The following PCDH15 variants were observed in gnomAD, a reference collection of about 807,000 sequenced individuals.
PCDH15 encodes the protein protocadherin-15.
A neutral mutation model predicts 178.5 loss-of-function variants in PCDH15; 129 were observed. That is an observed-to-expected ratio of 0.72 (90% confidence interval 0.63 to 0.84). The LOEUF (loss-of-function observed/expected upper bound fraction) is 0.84, where lower values mean the gene tolerates loss of function less well. PCDH15 is among the 40% of genes least tolerant of loss of function. The pLI, the probability that PCDH15 is intolerant of heterozygous loss-of-function variation, is 0.00. For synonymous variants in PCDH15, 800 were observed against 732.0 expected, an observed-to-expected ratio of 1.09 and a Z score of -1.50; for missense variants, 2,230 against 2,099.9, an observed-to-expected ratio of 1.06 and a Z score of -1.21.
rs374861815 is a variant in PCDH15 at position 54,909,913 on chromosome 10, A to AG, written c.-79-12414dup. 9.3e-3 allele frequency among the ~76,000 whole-genome samples: 1,411 copies of AG among 152,140 alleles called. 17 individuals carry two copies. The highest frequency in any genetic ancestry group is 0.032 in the African/African-American group (1,318 of 41,506). On this transcript the variant is annotated intron_variant, in intron 2 of 5. Coordinates refer to the PCDH15 transcript ENST00000458638. ...GATGGCTCCCAGGGAGGTGGTCTCC[A>AG]GGGGGGTCTCAGGGGAAGGCTCTGG... is the stretch of plus-strand genomic sequence containing the variant.
intron 2 of PCDH15, among the ~76,000 whole-genome samples, chr10:55,430,152 A>G (rs1298568315): frequency 6.6e-6 from 1 of 152,104 alleles, no homozygotes; most frequent in African/African-American, 2.4e-5. Flanking sequence ...TTAGCCAGGC[A>G]TGGTGGCACG....
chr10:55,192,400 A>G (rs1298938312), intron 1 of PCDH15, among the ~76,000 whole-genome samples: 1 of 151,910 alleles, frequency 6.6e-6, no homozygotes, highest in Admixed American at 6.6e-5. Flanking sequence ...CTCCCATATA[A>G]AAAAGTTATT....
chr10:55,509,998 T>C (rs185516242), intron 2 of PCDH15, among the ~76,000 whole-genome samples: 41 of 152,040 alleles, frequency 2.7e-4, no homozygotes, highest in Non-Finnish European at 4.4e-5. Flanking sequence ...AACTCGAGTC[T>C]CCTGACTCCA....
chr10:55,111,557 C>A (rs1837502084), intron 2 of PCDH15, among the ~76,000 whole-genome samples: 2 of 151,922 alleles, frequency 1.3e-5, no homozygotes, highest in Admixed American at 6.6e-5. Flanking sequence ...TAAAAAAGTT[C>A]TTTTTGACGG....
chr10:53,814,397 T>C (rs550188279), intron 35 of PCDH15, among the ~76,000 whole-genome samples: 2 of 152,286 alleles, frequency 1.3e-5, no homozygotes, highest in South Asian at 2.1e-4. Flanking sequence ...ACATAAATAC[T>C]TTTTCTTCAT....
chr10:54,217,009 TAAG>T (rs1159648800), intron 9 of PCDH15, among the ~76,000 whole-genome samples: 8 of 152,108 alleles, frequency 5.3e-5, no homozygotes, highest in Admixed American at 1.3e-4. Context: ...TGCTAACCTT[TAAG>T]AAGAATACAC....
At chr10:53,997,159 C>A (rs935790022) in intron 20 of PCDH15, among the ~76,000 whole-genome samples, 4 of 152,028 alleles carry the variant, frequency 2.6e-5, no homozygotes, top group Admixed American at 1.3e-4. Flanking sequence ...TAAAAAATAT[C>A]ATTTCTTCTG....
At chr10:55,090,829 T>A (rs2132035340) in intron 2 of PCDH15, among the ~76,000 whole-genome samples, 1 of 152,184 alleles carries the variant, frequency 6.6e-6, no homozygotes, top group South Asian at 2.1e-4. Context: ...TATATCCTTT[T>A]CTTAGAAATT....
At position 55,343,110 on chromosome 10, in the gene PCDH15, T is replaced by C. The variant is rs374689011; in HGVS notation, c.-155-176459A>G. ...AGTATCTTCCTGGACTTATGCACAATTTTAGCAGGCCAAGTTGGGTGGGAG... is the reference window on the plus strand; with the variant it reads ...AGTATCTTCCTGGACTTATGCACAACTTTAGCAGGCCAAGTTGGGTGGGAG... On this transcript the variant is annotated intron_variant, in intron 2 of 5. Transcript: ENST00000613346. 7.9e-5 allele frequency among the ~76,000 whole-genome samples: 12 copies of C among 152,290 alleles called. No individual in the cohort carries two copies. In the East Asian group the frequency reaches 1.9e-3, roughly 24 times the overall value.
intron 3 of PCDH15, among the ~76,000 whole-genome samples, chr10:54,873,148 T>C (rs150227667): frequency 1.3e-5 from 2 of 152,250 alleles, no homozygotes; most frequent in African/African-American, 4.8e-5. Context: ...CTGAAATGAA[T>C]TGATACACTT....
At chr10:53,923,041 C>T (rs901041978) in intron 25 of PCDH15, among the ~76,000 whole-genome samples, 1 of 152,072 alleles carries the variant, frequency 6.6e-6, no homozygotes, top group Non-Finnish European at 1.5e-5. Context: ...GAGCCAAGAT[C>T]GTGCCACTGC....
At chr10:54,727,565 G>T (rs984668223) in intron 1 of PCDH15, among the ~76,000 whole-genome samples, 8 of 151,398 alleles carry the variant, frequency 5.3e-5, no homozygotes, top group African/African-American at 1.9e-4. Context: ...CAATCCCATA[G>T]ATAGAAGAAG....
At chr10:54,710,310 T>A (rs1266531277) in intron 1 of PCDH15, among the ~76,000 whole-genome samples, 1 of 152,048 alleles carries the variant, frequency 6.6e-6, no homozygotes. Flanking sequence ...CACTGAGAAA[T>A]CAATAAATAG....
chr10:55,379,075 T>C (rs1379306190), intron 2 of PCDH15, among the ~76,000 whole-genome samples: 1 of 152,002 alleles, frequency 6.6e-6, no homozygotes, highest in Non-Finnish European at 1.5e-5. Context: ...AACAAACTTG[T>C]AATGAACATC....
chr10:54,765,274 C>A (rs1948371571), intron 1 of PCDH15, among the ~76,000 whole-genome samples: 1 of 151,764 alleles, frequency 6.6e-6, no homozygotes, highest in Non-Finnish European at 1.5e-5. Context: ...ACCTTTTTAG[C>A]AAAAAATAGA....
At chr10:54,470,405 G>A (rs1050990043) in intron 3 of PCDH15, among the ~76,000 whole-genome samples, 2 of 152,130 alleles carry the variant, frequency 1.3e-5, no homozygotes, top group African/African-American at 4.8e-5. Flanking sequence ...CTGCAGGTGG[G>A]GGAGGTCAGT....
chr10:55,159,055 G>C (rs7079703), intron 2 of PCDH15, among the ~76,000 whole-genome samples: 27,189 of 151,860 alleles, frequency 0.18, 2,937 homozygotes, highest in East Asian at 0.28. Flanking sequence ...TGATGAAAGG[G>C]AGGCTGATGT....
intron 21 of PCDH15, among the ~76,000 whole-genome samples, chr10:53,969,794 A>G (rs895279826): frequency 1.3e-5 from 2 of 152,200 alleles, no homozygotes; most frequent in African/African-American, 4.8e-5. Flanking sequence ...AATCCTTTAC[A>G]GACAAACAAA....
chr10:55,468,519 T>C lies in PCDH15; in HGVS notation c.-156+159106A>G, dbSNP rs183671538. On this transcript the variant is annotated intron_variant, in intron 2 of 5. Coordinates refer to the PCDH15 transcript ENST00000613346. ...GAGGTCTGTTTCCTGCTGTGAAACATAGATTATAGAACTTACTTTGATTCT... is the reference window on the plus strand; with the variant it reads ...GAGGTCTGTTTCCTGCTGTGAAACACAGATTATAGAACTTACTTTGATTCT... 32 of 152,290 alleles carry C rather than the reference T, an allele frequency of 2.1e-4. No individual in the cohort carries two copies. In the East Asian group the frequency reaches 5.8e-3, roughly 28 times the overall value. 9.4% of individuals were successfully genotyped at this position (152,290 alleles called of 1,614,324 possible).
Sources: gnomAD v4.1 joint callset for allele counts (sites outside exome capture counted in the v4.1 genomes callset) on GRCh38, gnomAD v4.1.1 for gene constraint, MANE v1.5 for transcripts, NCBI Gene and HGNC (gene_info 2026-07-23, HGNC 2026-07-21) for gene names.